COX7B2: variants seen among roughly 807,000 people sequenced by gnomAD.
COX7B2 encodes the protein cytochrome c oxidase subunit 7B2.
For missense variants in COX7B2, 109 were observed against 95.9 expected (o/e 1.14, Z -0.57); for synonymous variants, 37 against 32.1 (o/e 1.15, Z -0.51).
At chr4:46,820,972 C>T (rs979289287) in intron 2 of COX7B2, among the ~76,000 whole-genome samples, 1 of 151,922 alleles carries the variant, frequency 6.6e-6, no homozygotes, top group African/African-American at 2.4e-5. Flanking sequence ...AGAATTACTA[C>T]AGTCGAAACC....
At chr4:46,780,420 G>C (rs546037987) in intron 2 of COX7B2, among the ~76,000 whole-genome samples, 1 of 152,198 alleles carries the variant, frequency 6.6e-6, no homozygotes, top group African/African-American at 2.4e-5. Context: ...GGGAGGCTGA[G>C]GCAGGAGAAT....
intron 2 of COX7B2, among the ~76,000 whole-genome samples, chr4:46,771,584 T>C (rs1389940768): frequency 6.6e-6 from 1 of 152,106 alleles, no homozygotes; most frequent in Non-Finnish European, 1.5e-5. Flanking sequence ...CTTTACAGTT[T>C]TGAGTATCCC....
chr4:46,779,641 C>T (rs895442684), intron 2 of COX7B2, among the ~76,000 whole-genome samples: 2 of 152,214 alleles, frequency 1.3e-5, no homozygotes, highest in Non-Finnish European at 1.5e-5. Flanking sequence ...TACATTCCCA[C>T]CAACAGTGCA....
chr4:46,849,398 C>G (rs1412419232), intron 1 of COX7B2, among the ~76,000 whole-genome samples: 2 of 152,020 alleles, frequency 1.3e-5, no homozygotes, highest in Non-Finnish European at 2.9e-5. Flanking sequence ...TTATTACTAA[C>G]TATTTTCTAT....
At chr4:46,862,438 T>G (rs1254456070) in intron 1 of COX7B2, among the ~76,000 whole-genome samples, 1 of 152,224 alleles carries the variant, frequency 6.6e-6, no homozygotes, top group South Asian at 2.1e-4. Flanking sequence ...CATATTTAGA[T>G]ATGTTTATGT....
At chr4:46,813,469 C>T (rs1719388875) in intron 2 of COX7B2, among the ~76,000 whole-genome samples, 1 of 152,078 alleles carries the variant, frequency 6.6e-6, no homozygotes, top group African/African-American at 2.4e-5. Flanking sequence ...AAAGTTTCTG[C>T]ACAGCAAAAG....
chr4:46,842,769 T>C (rs1013314553), intron 2 of COX7B2, among the ~76,000 whole-genome samples: 1 of 152,138 alleles, frequency 6.6e-6, no homozygotes, highest in Non-Finnish European at 1.5e-5. Flanking sequence ...CCATGGTGTA[T>C]ATGTGCCACA....
chr4:46,783,423 G>T (rs1180894842), intron 2 of COX7B2, among the ~76,000 whole-genome samples: 1 of 152,156 alleles, frequency 6.6e-6, no homozygotes. Context: ...CAGAAAACTA[G>T]ACAGTCACAT....
intron 2 of COX7B2, among the ~76,000 whole-genome samples, chr4:46,802,622 A>C (rs2109628565): frequency 6.6e-6 from 1 of 152,270 alleles, no homozygotes; most frequent in South Asian, 2.1e-4. Flanking sequence ...ACAGTACTGC[A>C]ATCTACTTGA....
chr4:46,849,546 A>G (rs1482350262), intron 1 of COX7B2, among the ~76,000 whole-genome samples: 1 of 152,100 alleles, frequency 6.6e-6, no homozygotes, highest in Non-Finnish European at 1.5e-5. Context: ...AAATGATTTG[A>G]GGTGGCTTGC....
chr4:46,803,685 T>A (rs141185548), intron 2 of COX7B2, among the ~76,000 whole-genome samples: 3 of 151,838 alleles, frequency 2.0e-5, no homozygotes, highest in African/African-American at 7.3e-5. Context: ...TGCTTTCATA[T>A]CACAATTGTT....
intron 2 of COX7B2, among the ~76,000 whole-genome samples, chr4:46,781,600 G>C (rs573874217): frequency 2.0e-4 from 30 of 152,344 alleles, no homozygotes; most frequent in Non-Finnish European, 3.7e-4. Context: ...CTTCAGTGTG[G>C]AGCCCTGCAC....
At chr4:46,796,224 C>A (rs1718330857) in intron 2 of COX7B2, among the ~76,000 whole-genome samples, 3 of 146,908 alleles carry the variant, frequency 2.0e-5, no homozygotes, top group Admixed American at 6.8e-5. Context: ...CTGGCCAGAA[C>A]TTCCAACACT....
chr4:46,756,507 C>G (rs1268528025), intron 2 of COX7B2, among the ~76,000 whole-genome samples: 1 of 151,954 alleles, frequency 6.6e-6, no homozygotes, highest in Non-Finnish European at 1.5e-5. Context: ...ACAGAGTAAA[C>G]AGACATCCTA....
chr4:46,837,081 T>C (rs1347431615), intron 2 of COX7B2, among the ~76,000 whole-genome samples: 1 of 152,124 alleles, frequency 6.6e-6, no homozygotes, highest in East Asian at 1.9e-4. Flanking sequence ...CATCTTAACA[T>C]GTTAACTTCA....
chr4:46,796,858 C>T (rs1329486882), intron 2 of COX7B2, among the ~76,000 whole-genome samples: 3 of 37,216 alleles, frequency 8.1e-5, no homozygotes, highest in Non-Finnish European at 1.4e-4. Flanking sequence ...AACCAAACAC[C>T]GCATATTCTC....
At chr4:46,775,095 G>A (rs900556189) in intron 2 of COX7B2, among the ~76,000 whole-genome samples, 1 of 152,004 alleles carries the variant, frequency 6.6e-6, no homozygotes, top group Non-Finnish European at 1.5e-5. Context: ...TCTAGACATT[G>A]TAAGTGATAC....
chr4:46,887,125 A>G (rs1719127073), intron 1 of COX7B2, among the ~76,000 whole-genome samples: 2 of 152,238 alleles, frequency 1.3e-5, no homozygotes, highest in Admixed American at 6.5e-5. Context: ...AGAGGGAACG[A>G]ATCCCATTTC....
intron 2 of COX7B2, among the ~76,000 whole-genome samples, chr4:46,825,522 A>G (rs111353634): frequency 0.018 from 2,726 of 152,246 alleles, 38 homozygotes; most frequent in Middle Eastern, 0.044. Flanking sequence ...ACAGAACTAG[A>G]AAAAAACTAT....
Sources: gnomAD v4.1 joint callset for allele counts (sites outside exome capture counted in the v4.1 genomes callset) on GRCh38, gnomAD v4.1.1 for gene constraint, MANE v1.5 for transcripts, NCBI Gene and HGNC (gene_info 2026-07-23, HGNC 2026-07-21) for gene names.